ADTRP: variants seen among roughly 807,000 people sequenced by gnomAD.
ADTRP encodes androgen dependent TFPI regulating protein.
A neutral mutation model predicts 27.0 loss-of-function variants in ADTRP; 20 were observed. The observed-to-expected ratio is 0.74, with a 90% CI of 0.52 to 1.08. ADTRP has a LOEUF of 1.08. ADTRP is among the 50% of genes least tolerant of loss of function. The pLI, the probability that ADTRP is intolerant of heterozygous loss-of-function variation, is 0.00. For synonymous variants in ADTRP, 101 were observed against 105.2 expected (o/e 0.96, Z 0.25); for missense variants, 251 against 275.0 (o/e 0.91, Z 0.62).
At chr6:11,748,949 A>C (rs1369863040) in intron 3 of ADTRP, among the ~76,000 whole-genome samples, 1 of 152,262 alleles carries the variant, frequency 6.6e-6, no homozygotes, top group African/African-American at 2.4e-5. Flanking sequence ...GTTTATTCCA[A>C]GTGAAGCGGG....
chr6:11,714,654 G>A, intron 5 of ADTRP, 142 bp from the exon 6 acceptor site: 2 of 943,508 alleles, frequency 2.1e-6, no homozygotes, highest in Non-Finnish European at 3.2e-6. Context: ...GCAGTTTAAG[G>A]AGTTATGAAA....
At chr6:11,718,846 C>T (rs1260876304) in intron 5 of ADTRP, among the ~76,000 whole-genome samples, 1 of 152,194 alleles carries the variant, frequency 6.6e-6, no homozygotes, top group Non-Finnish European at 1.5e-5. Context: ...AGCCTCAGTG[C>T]ATTCTTGAAG....
At chr6:11,765,726 C>T (rs893673567) in intron 3 of ADTRP, among the ~76,000 whole-genome samples, 15 of 151,938 alleles carry the variant, frequency 9.9e-5, no homozygotes, top group African/African-American at 2.9e-4. Context: ...GTTCCAGTGA[C>T]CTAAAAATCT....
rs538014527 is a variant in ADTRP, at chr6:11,722,036, G to A, written c.658+1313C>T. The stretch of plus-strand genomic sequence containing the variant: ...AAGCTTCTTTAAATATATATAGAGA[G>A]AGAGAGATTTGGGGAGGCATCAGAA... On this transcript the variant is annotated intron_variant, in intron 5 of 5. Coordinates refer to ENST00000414691, the MANE Select transcript of ADTRP (RefSeq NM_032744.4). Among the ~76,000 whole-genome samples, 344 of 152,178 alleles carry A rather than the reference G, an allele frequency of 2.3e-3. 3 individuals carry two copies. The highest frequency in any genetic ancestry group is 8.0e-3 in the African/African-American group (333 of 41,530).
intron 4 of ADTRP, among the ~76,000 whole-genome samples, chr6:11,726,564 A>G (rs1762208674): frequency 1.3e-5 from 2 of 152,178 alleles, no homozygotes; most frequent in South Asian, 4.1e-4. Context: ...AGCCAGGGCC[A>G]TGCCCTTGAA....
In ADTRP at chr6:11,770,003, C is replaced by G. The variant is rs1412852241; in HGVS notation, c.154-1620G>C. On this transcript the variant is annotated intron_variant, in intron 1 of 5. Transcript: ENST00000414691. ...TCCTATCATTAGACTCCCCCGCCCA[C>G]CACCATTTTACAAACGAGGAAACAA... 3 of 1,551,288 alleles carry G rather than the reference C, an allele frequency of 1.9e-6. No homozygotes were observed. The African/African-American group carries it at 4.1e-5, about 21-fold the overall frequency.
chr6:11,726,317 G>A (rs1762198477), intron 4 of ADTRP, among the ~76,000 whole-genome samples: 1 of 152,162 alleles, frequency 6.6e-6, no homozygotes, highest in African/African-American at 2.4e-5. Flanking sequence ...TTGGTCCTGC[G>A]TGTGTTGGTG....
At chr6:11,731,816 G>A (rs1762389969) in intron 4 of ADTRP, among the ~76,000 whole-genome samples, 1 of 151,884 alleles carries the variant, frequency 6.6e-6, no homozygotes, top group African/African-American at 2.4e-5. Context: ...TGTATGCATG[G>A]GTCATCTCCA....
In ADTRP at chr6:11,766,345, GA is replaced by G. The variant is rs1346881698; in HGVS notation, c.318del (p.Leu107SerfsTer12). On this transcript the variant is annotated frameshift_variant, in exon 3 of 6. Transcript: ENST00000414691. LOFTEE classifies it high-confidence loss of function. ...TFVFLAFWIL[F>X]LYNRDLIYPK... ...GGGTAAATGAGATCTCGATTGTAGA[GA>G]AAGAGGATCCAGAATGCCAAAAATA... 1.2e-6 allele frequency: 2 copies of G among 1,612,410 alleles called. No individual in the cohort carries two copies. The highest frequency in any genetic ancestry group is 1.7e-6 in the Non-Finnish European group (2 of 1,179,186).
Position 11,714,417 on chromosome 6 carries a change from A to G in ADTRP, c.*61T>C. ...ACCTCCCTCCACCAGAAAAAAAAAA[A>G]AAAGATGAGAAAAATCTCTTGTGTT... On this transcript the variant is annotated 3_prime_UTR_variant, in exon 6 of 6. Transcript: ENST00000414691. The G allele has an allele frequency of 6.3e-7, 1 of 1,588,366 alleles. No homozygotes were observed. The highest frequency in any genetic ancestry group is 1.2e-5 in the South Asian group (1 of 85,176).
At chr6:11,776,685 G>C (rs1375404012) in intron 1 of ADTRP, among the ~76,000 whole-genome samples, 1 of 152,194 alleles carries the variant, frequency 6.6e-6, no homozygotes, top group Admixed American at 6.5e-5. Context: ...AGGATAGAGA[G>C]AACACCGGGC....
chr6:11,737,232 A>C (rs913612768), intron 3 of ADTRP, among the ~76,000 whole-genome samples: 9 of 151,986 alleles, frequency 5.9e-5, no homozygotes, highest in Non-Finnish European at 1.0e-4. Flanking sequence ...CGTTTTTTGT[A>C]GTTCCAGCTA....
At chr6:11,764,989 A>G (rs1013528226) in intron 3 of ADTRP, among the ~76,000 whole-genome samples, 1 of 151,986 alleles carries the variant, frequency 6.6e-6, no homozygotes, top group African/African-American at 2.4e-5. Context: ...GAGTTTGACA[A>G]GAAAAAGTTG....
chr6:11,774,647 G>A (rs1433908152), intron 1 of ADTRP, among the ~76,000 whole-genome samples: 1 of 152,112 alleles, frequency 6.6e-6, no homozygotes, highest in East Asian at 1.9e-4. Context: ...GCGTGGGGAG[G>A]GAGGGGCCCA....
chr6:11,721,339 A>G (rs929978231), intron 5 of ADTRP, among the ~76,000 whole-genome samples: 1 of 152,362 alleles, frequency 6.6e-6, no homozygotes, highest in Non-Finnish European at 1.5e-5. Context: ...TGGGTCACAG[A>G]GGCCCTTGTG....
At chr6:11,752,982 C>T (rs183613988) in intron 3 of ADTRP, among the ~76,000 whole-genome samples, 14 of 152,176 alleles carry the variant, frequency 9.2e-5, no homozygotes, top group East Asian at 7.7e-4. Flanking sequence ...GATAACAATG[C>T]GGAGAATTAA....
chr6:11,739,628 G>T (rs1762656465), intron 3 of ADTRP, among the ~76,000 whole-genome samples: 1 of 152,192 alleles, frequency 6.6e-6, no homozygotes, highest in Non-Finnish European at 1.5e-5. Context: ...TTTGTACAGG[G>T]TTGCATGAGT....
At chr6:11,726,427 T>A (rs1179222720) in intron 4 of ADTRP, among the ~76,000 whole-genome samples, 2 of 152,086 alleles carry the variant, frequency 1.3e-5, no homozygotes, top group Non-Finnish European at 2.9e-5. Flanking sequence ...TAGAAATGGA[T>A]TTTTTCTATG....
chr6:11,743,461 C>CCTGT (rs1311863819), intron 3 of ADTRP, among the ~76,000 whole-genome samples: 2 of 152,182 alleles, frequency 1.3e-5, no homozygotes, highest in Non-Finnish European at 2.9e-5. Context: ...ACAGCACTCA[C>CCTGT]CTGTCCCTCC....
Sources: allele counts gnomAD v4.1 joint callset (sites outside exome capture counted in the v4.1 genomes callset), GRCh38; gene constraint gnomAD v4.1.1; transcripts MANE v1.5; gene names NCBI Gene and HGNC (gene_info 2026-07-23, HGNC 2026-07-21).